The following CACNA2D1 variants were observed in gnomAD, a reference collection of about 807,000 sequenced individuals.
CACNA2D1 encodes calcium voltage-gated channel auxiliary subunit alpha2delta 1, also known as voltage-dependent calcium channel subunit alpha-2/delta-1.
A neutral mutation model predicts 171.5 loss-of-function variants in CACNA2D1; 53 were observed. That is an observed-to-expected ratio of 0.31 (90% confidence interval 0.25 to 0.39). The LOEUF is 0.39. Among genes scored for constraint, CACNA2D1 ranks in the 10% least tolerant of loss-of-function variants. The probability of loss-of-function intolerance (pLI) is 1.00; values close to 1 mark genes in which losing one functional copy is unlikely to be tolerated. For missense variants in CACNA2D1, 903 were observed against 1,299.8 expected, an observed-to-expected ratio of 0.69 and a Z score of 4.69; for synonymous variants, 442 against 443.1, an observed-to-expected ratio of 1.00 and a Z score of 0.03.
intron 3 of CACNA2D1, among the ~76,000 whole-genome samples, chr7:82,321,470 C>T (rs535985437): frequency 6.6e-6 from 1 of 152,140 alleles, no homozygotes; most frequent in Non-Finnish European, 1.5e-5. Context: ...ATGGCTTTCG[C>T]CTCAAAATGT....
intron 9 of CACNA2D1, among the ~76,000 whole-genome samples, chr7:82,062,412 G>A (rs913558624): frequency 5.3e-5 from 8 of 152,048 alleles, no homozygotes; most frequent in Admixed American, 2.6e-4. Context: ...TGAGCCATGA[G>A]GATTCAATCC....
chr7:82,354,259 TTATC>T (rs1329014264), intron 1 of CACNA2D1, among the ~76,000 whole-genome samples: 2 of 152,180 alleles, frequency 1.3e-5, no homozygotes, highest in African/African-American at 2.4e-5. Context: ...TTTTCTCTTG[TTATC>T]TATCTTTTAT....
intron 3 of CACNA2D1, among the ~76,000 whole-genome samples, chr7:82,300,550 G>A (rs536596337): frequency 5.9e-5 from 9 of 152,150 alleles, no homozygotes; most frequent in East Asian, 1.9e-4. Flanking sequence ...ATTTGCTACC[G>A]TAAGTATGCA....
chr7:81,977,634 A>T (rs1295680878), intron 24 of CACNA2D1, among the ~76,000 whole-genome samples: 1 of 152,124 alleles, frequency 6.6e-6, no homozygotes, highest in African/African-American at 2.4e-5. Context: ...AACCATAAAA[A>T]CCCTAGAAGA....
chr7:81,992,619 C>A (rs955501570), intron 20 of CACNA2D1, among the ~76,000 whole-genome samples: 1 of 152,154 alleles, frequency 6.6e-6, no homozygotes, highest in African/African-American at 2.4e-5. Context: ...AAAACAGTAT[C>A]AGAGCAGAGA....
Position 82,063,564 on chromosome 7 carries a change from T to G in CACNA2D1, c.779+740A>C, listed in dbSNP as rs1288598112. ...TCTTCCAATGAGACAAAGATTTTTT[T>G]TTTTTTTTCCTCAGGGAAAAACATG... On this transcript the variant is annotated intron_variant, in intron 9 of 38. Coordinates refer to ENST00000356860, the MANE Select transcript of CACNA2D1 (RefSeq NM_000722.4). Among the ~76,000 whole-genome samples, 7 of 151,836 alleles carry G rather than the reference T, an allele frequency of 4.6e-5. No homozygotes were observed. The East Asian group carries it at 7.7e-4, about 17-fold the overall frequency.
chr7:82,088,380 T>C (rs1269371041), intron 6 of CACNA2D1, among the ~76,000 whole-genome samples: 1 of 152,152 alleles, frequency 6.6e-6, no homozygotes, highest in Non-Finnish European at 1.5e-5. Context: ...TTACTCTAGA[T>C]TATGAAACTG....
chr7:82,412,833 T>C (rs969013906), intron 1 of CACNA2D1, among the ~76,000 whole-genome samples: 2 of 152,170 alleles, frequency 1.3e-5, no homozygotes, highest in Admixed American at 6.5e-5. Flanking sequence ...GTGAACATTA[T>C]ACATCTCCCT....
chr7:82,274,025 C>T (rs1447717258), intron 3 of CACNA2D1, among the ~76,000 whole-genome samples: 1 of 152,106 alleles, frequency 6.6e-6, no homozygotes, highest in Non-Finnish European at 1.5e-5. Context: ...TGTCATTTGA[C>T]CCCTGGCTAC....
intron 29 of CACNA2D1, 112 bp downstream of exon 29, chr7:81,968,770 CTTTAT>C (rs1794966660): frequency 1.4e-6 from 1 of 703,058 alleles, no homozygotes. Flanking sequence ...GTGTGCATGC[CTTTAT>C]TTTGTTTGAC....
At chr7:81,990,680 G>C (rs1797451588) in intron 21 of CACNA2D1, among the ~76,000 whole-genome samples, 1 of 152,180 alleles carries the variant, frequency 6.6e-6, no homozygotes, top group African/African-American at 2.4e-5. Context: ...AAGTGTTGAA[G>C]AATGGAGAAT....
intron 32 of CACNA2D1, among the ~76,000 whole-genome samples, chr7:81,965,028 G>C (rs1319317613): frequency 6.6e-6 from 1 of 151,850 alleles, no homozygotes; most frequent in Non-Finnish European, 1.5e-5. Flanking sequence ...ACTGGAACAA[G>C]TCCCATCTAA....
At chr7:82,222,721 G>C (rs1333635259) in intron 3 of CACNA2D1, among the ~76,000 whole-genome samples, 1 of 149,970 alleles carries the variant, frequency 6.7e-6, no homozygotes, top group Non-Finnish European at 1.5e-5. Flanking sequence ...TTGAGGGCAG[G>C]AATCTTTTCT....
intron 3 of CACNA2D1, among the ~76,000 whole-genome samples, chr7:82,316,732 C>A (rs1182438961): frequency 6.6e-6 from 1 of 152,168 alleles, no homozygotes; most frequent in African/African-American, 2.4e-5. Context: ...GGGGATGCCT[C>A]ACAATCATGG....
At chr7:81,987,186 A>T (rs1227832790) in intron 21 of CACNA2D1, among the ~76,000 whole-genome samples, 1 of 152,160 alleles carries the variant, frequency 6.6e-6, no homozygotes, top group Non-Finnish European at 1.5e-5. Context: ...AGCTATACTT[A>T]ATTTAATTAT....
At chr7:81,954,465 T>C (rs1272484570) in intron 38 of CACNA2D1, among the ~76,000 whole-genome samples, 1 of 152,094 alleles carries the variant, frequency 6.6e-6, no homozygotes, top group Non-Finnish European at 1.5e-5. Flanking sequence ...AAAATTCATA[T>C]GGTTTTTGCC....
intron 3 of CACNA2D1, among the ~76,000 whole-genome samples, chr7:82,306,481 T>C (rs1237547158): frequency 1.3e-5 from 2 of 152,206 alleles, no homozygotes; most frequent in African/African-American, 2.4e-5. Flanking sequence ...TTTTACTACA[T>C]GGTTAGATCT....
intron 1 of CACNA2D1, among the ~76,000 whole-genome samples, chr7:82,395,666 G>C (rs1026857302): frequency 6.6e-6 from 1 of 152,094 alleles, no homozygotes; most frequent in Non-Finnish European, 1.5e-5. Context: ...GTCTATTTGG[G>C]TACAATTAAT....
intron 5 of CACNA2D1, among the ~76,000 whole-genome samples, chr7:82,135,301 ATGG>A (rs1216934948): frequency 6.6e-6 from 1 of 152,026 alleles, no homozygotes; most frequent in Non-Finnish European, 1.5e-5. Flanking sequence ...GCTAATTATA[ATGG>A]TGAAACTAAA....
Sources: allele counts gnomAD v4.1 joint callset (sites outside exome capture counted in the v4.1 genomes callset), GRCh38; gene constraint gnomAD v4.1.1; transcripts MANE v1.5; gene names NCBI Gene and HGNC (gene_info 2026-07-23, HGNC 2026-07-21).